Variants in NHS observed in about 807,000 individuals in gnomAD.
The protein encoded by NHS is actin remodeling regulator NHS.
In NHS, 5 loss-of-function variants were observed where a neutral mutation model predicts 72.5. That is an observed-to-expected ratio of 0.07 (90% CI 0.04 to 0.14). NHS has a LOEUF of 0.14. Ranked by LOEUF, NHS falls within the 10% of genes least tolerant of loss-of-function variation. The pLI is 1.00. For missense variants in NHS, 1,072 were observed against 1,355.7 expected (o/e 0.79, Z 3.29); for synonymous variants, 464 against 547.7 (o/e 0.85, Z 2.13).
chrX:17,601,403 G>A (rs1482577370), intron 1 of NHS, among the ~76,000 whole-genome samples: 1 of 111,620 alleles, frequency 9.0e-6, no homozygotes, highest in South Asian at 3.8e-4. Flanking sequence ...TCAATAACAG[G>A]CCAGAAAAAG....
At chrX:17,524,436 T>C (rs1302700636) in intron 1 of NHS, among the ~76,000 whole-genome samples, 2 of 112,453 alleles carry the variant, frequency 1.8e-5, no homozygotes, top group African/African-American at 3.2e-5. Flanking sequence ...CACAATTTTC[T>C]TAAGGTTCAC....
intron 3 of NHS, among the ~76,000 whole-genome samples, chrX:17,702,215 C>T (rs954648651): frequency 2.7e-5 from 3 of 111,401 alleles, no homozygotes; most frequent in African/African-American, 9.8e-5. Flanking sequence ...AAATGGAAAA[C>T]AAACAGCACC....
chrX:17,434,949 C>G (rs1186326617), intron 1 of NHS, among the ~76,000 whole-genome samples: 3 of 111,693 alleles, frequency 2.7e-5, no homozygotes, highest in African/African-American at 9.8e-5. Flanking sequence ...TAGCTGGAGC[C>G]CTGGGCCAGG....
chrX:17,487,824 G>C (rs772830710), intron 1 of NHS, among the ~76,000 whole-genome samples: 11 of 111,712 alleles, frequency 9.8e-5, no homozygotes, highest in Non-Finnish European at 1.9e-4. Flanking sequence ...AAAGCCCCCA[G>C]TGTGGGGAGT....
chrX:17,530,724 C>T (rs1478744890), intron 1 of NHS, among the ~76,000 whole-genome samples: 1 of 112,186 alleles, frequency 8.9e-6, no homozygotes, highest in Non-Finnish European at 1.9e-5. Flanking sequence ...CAGCCTTACT[C>T]TCAGAGTTTT....
At chrX:17,437,850 A>T (rs1440369965) in intron 1 of NHS, among the ~76,000 whole-genome samples, 1 of 111,561 alleles carries the variant, frequency 9.0e-6, no homozygotes, top group Non-Finnish European at 1.9e-5. Context: ...CACAGATACA[A>T]GCCCTTGAGG....
chrX:17,473,145 A>G (rs371063313), intron 1 of NHS, among the ~76,000 whole-genome samples: 1 of 112,002 alleles, frequency 8.9e-6, no homozygotes, highest in Admixed American at 9.5e-5. Context: ...TGAGAACCCA[A>G]CTTAGTAAGT....
intron 1 of NHS, among the ~76,000 whole-genome samples, chrX:17,445,342 G>A (rs945147166): frequency 9.8e-5 from 11 of 112,065 alleles, no homozygotes; most frequent in Middle Eastern, 4.6e-3. Context: ...CTTGCCCCAA[G>A]GGTAAATGCT....
At chrX:17,562,524 C>A (rs1464069909) in intron 1 of NHS, among the ~76,000 whole-genome samples, 2 of 111,201 alleles carry the variant, frequency 1.8e-5, no homozygotes, top group East Asian at 2.8e-4. Context: ...GTGCAGTGAA[C>A]TGAGGTGAGA....
chrX:17,390,501 A>C (rs2064439033), intron 1 of NHS, among the ~76,000 whole-genome samples: 1 of 110,714 alleles, frequency 9.0e-6, no homozygotes, highest in African/African-American at 3.3e-5. Flanking sequence ...TACCACAGAA[A>C]TCCTTTTCCA....
At chrX:17,537,945 G>A (rs891820955) in intron 1 of NHS, among the ~76,000 whole-genome samples, 1 of 111,965 alleles carries the variant, frequency 8.9e-6, no homozygotes, top group African/African-American at 3.2e-5. Context: ...GCTGTTCCCA[G>A]CACATCCACA....
At chrX:17,387,352 C>T (rs190420542) in intron 1 of NHS, among the ~76,000 whole-genome samples, 172 of 111,862 alleles carry the variant, frequency 1.5e-3, no homozygotes, top group African/African-American at 5.3e-3. Context: ...TTCCAGCAAT[C>T]AGAGGGGCCA....
chrX:17,650,041 C>T (rs1000729078), intron 1 of NHS, among the ~76,000 whole-genome samples: 4 of 111,811 alleles, frequency 3.6e-5, no homozygotes, highest in Non-Finnish European at 7.5e-5. Flanking sequence ...ATAATTGGGT[C>T]TCAGCACGTA....
chrX:17,687,409 AC>A (rs1199635117), intron 1 of NHS: 3 of 266,704 alleles, frequency 1.1e-5, no homozygotes, highest in East Asian at 1.6e-4. Context: ...CCCCATCTCC[AC>A]CCCCAAGCAG....
At chrX:17,508,953 G>A in intron 1 of NHS, among the ~76,000 whole-genome samples, 1 of 111,871 alleles carries the variant, frequency 8.9e-6, no homozygotes, top group Middle Eastern at 4.6e-3. Flanking sequence ...GTAAGGGGTT[G>A]GAGATAGGAT....
chrX:17,596,759 A>G (rs960425205), intron 1 of NHS, among the ~76,000 whole-genome samples: 1 of 111,748 alleles, frequency 8.9e-6, no homozygotes, highest in Admixed American at 9.5e-5. Context: ...TTTCTTGTTC[A>G]TGTCACATTC....
intron 1 of NHS, among the ~76,000 whole-genome samples, chrX:17,410,571 C>T (rs1399485688): frequency 2.9e-5 from 3 of 102,003 alleles, no homozygotes; most frequent in African/African-American, 7.3e-5. Flanking sequence ...TAAAGAAATC[C>T]GTGTCCCTCC....
chrX:17,483,795 C>A (rs185129716), intron 1 of NHS, among the ~76,000 whole-genome samples: 2 of 110,523 alleles, frequency 1.8e-5, no homozygotes, highest in East Asian at 2.9e-4. Context: ...CACATTTCCC[C>A]CTGAGAGACA....
chrX:17,383,074 C>A (rs1482777555), intron 1 of NHS, among the ~76,000 whole-genome samples: 1 of 112,096 alleles, frequency 8.9e-6, no homozygotes, highest in East Asian at 2.8e-4. Context: ...CAGTTACCCA[C>A]AGTGATGACT....
Sources: gnomAD v4.1 joint callset for allele counts (sites outside exome capture counted in the v4.1 genomes callset) on GRCh38, gnomAD v4.1.1 for gene constraint, MANE v1.5 for transcripts, NCBI Gene and HGNC (gene_info 2026-07-23, HGNC 2026-07-21) for gene names.